SAMHD1: variants seen among roughly 807,000 people sequenced by gnomAD.
SAMHD1 encodes SAM and HD domain containing deoxynucleoside triphosphate triphosphohydrolase 1, also known as deoxynucleoside triphosphate triphosphohydrolase SAMHD1.
In SAMHD1, 54 loss-of-function variants were observed where a neutral mutation model predicts 79.6. The observed-to-expected ratio is 0.68, with a 90% CI of 0.55 to 0.85. SAMHD1 has a LOEUF of 0.85. Among genes scored for constraint, SAMHD1 ranks in the 40% least tolerant of loss-of-function variants. The pLI is 0.00. For synonymous variants in SAMHD1, 260 were observed against 264.1 expected (o/e 0.98, Z 0.15); for missense variants, 663 against 782.7 (o/e 0.85, Z 1.82).
intron 4 of SAMHD1, among the ~76,000 whole-genome samples, chr20:36,932,428 G>C (rs2063573610): frequency 6.9e-6 from 1 of 145,786 alleles, no homozygotes; most frequent in Non-Finnish European, 1.5e-5. Context: ...GACATGAAGA[G>C]TTGTTTAATA....
chr20:36,940,656 A>G, intron 3 of SAMHD1: 2 of 277,698 alleles, frequency 7.2e-6, no homozygotes, highest in South Asian at 3.6e-5. Context: ...CTGAGATTGC[A>G]CCACTGTACT....
chr20:36,894,228 T>C, intron 15 of SAMHD1: 2 of 295,186 alleles, frequency 6.8e-6, no homozygotes. Context: ...AAAATAGTTT[T>C]TAAAAAATGT....
At chr20:36,924,959 C>G (rs2063527709) in intron 6 of SAMHD1, among the ~76,000 whole-genome samples, 1 of 151,848 alleles carries the variant, frequency 6.6e-6, no homozygotes, top group Admixed American at 6.6e-5. Context: ...GAGTTCGAGA[C>G]CAGCCTAACC....
At chr20:36,926,138 G>A (rs1601137438) in intron 6 of SAMHD1, among the ~76,000 whole-genome samples, 1 of 151,564 alleles carries the variant, frequency 6.6e-6, no homozygotes, top group Non-Finnish European at 1.5e-5. Flanking sequence ...TAATATGCAC[G>A]ACAACCTTAT....
intron 13 of SAMHD1, chr20:36,903,908 C>T (rs952812172): frequency 7.9e-6 from 3 of 379,662 alleles, no homozygotes; most frequent in African/African-American, 6.2e-5. Flanking sequence ...AAATGTATTA[C>T]TTGTGTAATT....
At chr20:36,920,578 A>G (rs2063498586) in intron 6 of SAMHD1, among the ~76,000 whole-genome samples, 1 of 151,834 alleles carries the variant, frequency 6.6e-6, no homozygotes, top group Non-Finnish European at 1.5e-5. Flanking sequence ...TTTGGCCAAC[A>G]TGGCAAAACC....
At chr20:36,915,089 A>G (rs903363991) in intron 9 of SAMHD1, among the ~76,000 whole-genome samples, 1 of 152,148 alleles carries the variant, frequency 6.6e-6, no homozygotes, top group Admixed American at 6.5e-5. Flanking sequence ...CACACCTATA[A>G]TCATAGCACT....
At chr20:36,944,623 AGTGGCTCGC>A (rs1230016446) in intron 2 of SAMHD1, among the ~76,000 whole-genome samples, 1 of 152,232 alleles carries the variant, frequency 6.6e-6, no homozygotes, top group Non-Finnish European at 1.5e-5. Context: ...GGCCGGTCGC[AGTGGCTCGC>A]GCCTATAATC....
intron 3 of SAMHD1, among the ~76,000 whole-genome samples, chr20:36,936,219 G>A (rs1019426581): frequency 1.4e-4 from 22 of 151,998 alleles, no homozygotes; most frequent in East Asian, 3.9e-4. Flanking sequence ...CAGCCTGGGC[G>A]ACAGAGAGAA....
At chr20:36,922,761 C>T (rs2063513564) in intron 6 of SAMHD1, among the ~76,000 whole-genome samples, 1 of 152,106 alleles carries the variant, frequency 6.6e-6, no homozygotes, top group Non-Finnish European at 1.5e-5. Context: ...CAGCTCATTG[C>T]AGCCTCGACC....
chr20:36,897,764 T>C lies in SAMHD1; in HGVS notation c.1746+58A>G, dbSNP rs1304365856. The C allele has an allele frequency of 3.7e-6, 6 of 1,602,520 alleles. No homozygotes were observed. In the Admixed American group the frequency reaches 6.7e-5, roughly 18 times the overall value. On this transcript the variant is annotated intron_variant, in intron 15 of 15. Coordinates refer to ENST00000646673, the MANE Select transcript of SAMHD1 (RefSeq NM_015474.4). ...AACTTTTCAGCAGATAGACTTACTT[T>C]TGGTTTTTACTTAAAAATAAAAAAT...
intron 11 of SAMHD1, among the ~76,000 whole-genome samples, chr20:36,908,476 G>A (rs903249822): frequency 6.6e-5 from 10 of 152,094 alleles, no homozygotes; most frequent in South Asian, 4.1e-4. Context: ...GGGCTCAAGC[G>A]ATCCAACTGC....
chr20:36,905,690 G>A (rs2063400808), intron 11 of SAMHD1, among the ~76,000 whole-genome samples, 187 bp from the exon 12 acceptor site: 2 of 152,236 alleles, frequency 1.3e-5, no homozygotes, highest in Admixed American at 6.5e-5. Flanking sequence ...GTTCCAGTCG[G>A]CCAGTCATAG....
At chr20:36,948,456 TTGGC>T (rs1236601601) in intron 1 of SAMHD1, among the ~76,000 whole-genome samples, 14 of 152,026 alleles carry the variant, frequency 9.2e-5, no homozygotes, top group Non-Finnish European at 1.8e-4. Flanking sequence ...TTTCACCATG[TTGGC>T]CAGGCTGGGC....
In SAMHD1 at chr20:36,920,548, C is replaced by G. The variant is rs2146120479; in HGVS notation, c.697-1029G>C. Reference sequence around the variant, plus strand: ...TTGGGAGGCCGAGGTGGGCGGATCACTTGAGGTCAACAGTACAAGTTTGGC... The same window carrying G: ...TTGGGAGGCCGAGGTGGGCGGATCAGTTGAGGTCAACAGTACAAGTTTGGC... On this transcript the variant is annotated intron_variant, in intron 6 of 15. Coordinates refer to ENST00000646673, the MANE Select transcript of SAMHD1 (RefSeq NM_015474.4). 1.3e-5 allele frequency among the ~76,000 whole-genome samples: 2 copies of G among 151,826 alleles called. 1 individual carries two copies. Among genetic ancestry groups the G allele is most frequent in the South Asian group, 4.2e-4 (2 of 4,796 alleles).
Position 36,937,082 on chromosome 20 carries a change from A to C in SAMHD1, c.349-1893T>G, listed in dbSNP as rs189501628. The stretch of plus-strand genomic sequence containing the variant: ...CTTGAACCCAGGAGGCAAAGGTTGC[A>C]GTGAGCTGAGATTGTGCCACTGCAC... On this transcript the variant is annotated intron_variant, in intron 3 of 15. Coordinates refer to ENST00000646673, the MANE Select transcript of SAMHD1 (RefSeq NM_015474.4). 2.6e-5 allele frequency among the ~76,000 whole-genome samples: 4 copies of C among 151,430 alleles called. No homozygotes were observed. The East Asian group carries it at 7.8e-4, about 30-fold the overall frequency.
Position 36,943,150 on chromosome 20 carries a change from G to C in SAMHD1, c.276-2039C>G, listed in dbSNP as rs559834789. On this transcript the variant is annotated intron_variant, in intron 2 of 15. Coordinates refer to ENST00000646673, the MANE Select transcript of SAMHD1 (RefSeq NM_015474.4). ...CTAGGGAGGGTAAAATAGGAAATTA[G>C]GTAAAAACAGTACAAAGGTCCATTA... Among the ~76,000 whole-genome samples, 13 of 152,154 alleles carry C rather than the reference G, an allele frequency of 8.5e-5. No individual in the cohort carries two copies. In the East Asian group the frequency reaches 2.5e-3, roughly 29 times the overall value.
At chr20:36,945,562 G>A (rs1460746114) in intron 2 of SAMHD1, among the ~76,000 whole-genome samples, 1 of 152,124 alleles carries the variant, frequency 6.6e-6, no homozygotes, top group Non-Finnish European at 1.5e-5. Flanking sequence ...CAAACTTGAT[G>A]AAGATTTGTC....
At chr20:36,918,821 A>AAAG (rs1354196164) in intron 7 of SAMHD1, among the ~76,000 whole-genome samples, 32 of 147,588 alleles carry the variant, frequency 2.2e-4, no homozygotes, top group Non-Finnish European at 4.2e-4. Flanking sequence ...AAAAAAAAAA[A>AAAG]AAAGAAAGAA....
Sources: gnomAD v4.1 joint callset for allele counts (sites outside exome capture counted in the v4.1 genomes callset) on GRCh38, gnomAD v4.1.1 for gene constraint, MANE v1.5 for transcripts, NCBI Gene and HGNC (gene_info 2026-07-23, HGNC 2026-07-21) for gene names.